Variants in ZFYVE28 observed in about 807,000 individuals in gnomAD.
The protein encoded by ZFYVE28 is lateral signaling target protein 2 homolog.
In ZFYVE28, 40 loss-of-function variants were observed where a neutral mutation model predicts 82.1. That is an observed-to-expected ratio of 0.49 (90% confidence interval 0.38 to 0.63). The LOEUF (loss-of-function observed/expected upper bound fraction) is 0.63. Among genes scored for constraint, ZFYVE28 ranks in the 30% least tolerant of loss-of-function variants. The pLI, the probability that ZFYVE28 is intolerant of heterozygous loss-of-function variation, is 0.00. For missense variants in ZFYVE28, 1,321 were observed against 1,242.1 expected, an observed-to-expected ratio of 1.06 and a Z score of -0.96; for synonymous variants, 612 against 546.1, an observed-to-expected ratio of 1.12 and a Z score of -1.68.
At chr4:2,298,978 G>A (rs1002371032) in intron 8 of ZFYVE28, among the ~76,000 whole-genome samples, 8 of 152,146 alleles carry the variant, frequency 5.3e-5, no homozygotes, top group South Asian at 2.1e-4. Context: ...AGCGCGCCTC[G>A]CACCACACGC....
intron 6 of ZFYVE28, among the ~76,000 whole-genome samples, chr4:2,321,451 C>T (rs905814222): frequency 2.6e-5 from 4 of 152,114 alleles, no homozygotes; most frequent in African/African-American, 7.2e-5. Flanking sequence ...GTGCTGCCTC[C>T]GGGGCCCCTG....
rs1210959138 is a variant in ZFYVE28, at chr4:2,335,179, C to T, written c.701+526G>A. Among the ~76,000 whole-genome samples the T allele has an allele frequency of 3.9e-5, 6 of 151,978 alleles. No individual in the cohort carries two copies. Among genetic ancestry groups the T allele is most frequent in the Non-Finnish European group, 5.9e-5 (4 of 67,974 alleles). ...GGCCCCGCTGGCAGGAAAGGTTCCA[C>T]ACAGGTATTCCATCAGCCAGACCAA... is the stretch of plus-strand genomic sequence containing the variant. On this transcript the variant is annotated intron_variant, in intron 6 of 12. Coordinates refer to ENST00000290974, the MANE Select transcript of ZFYVE28 (RefSeq NM_020972.3). This position sits in a 1 kb window ranked among gnomAD's most constrained non-coding sequence, Gnocchi z 5.8.
At chr4:2,358,244 C>T (rs774965271) in intron 1 of ZFYVE28, among the ~76,000 whole-genome samples, 1 of 152,262 alleles carries the variant, frequency 6.6e-6, no homozygotes, top group Admixed American at 6.5e-5. Context: ...CATGCATGTG[C>T]GTCCATGTAT....
chr4:2,395,070 G>A (rs968573864), intron 1 of ZFYVE28, among the ~76,000 whole-genome samples: 8 of 152,146 alleles, frequency 5.3e-5, no homozygotes, highest in East Asian at 3.9e-4. Flanking sequence ...ACTGAAAATC[G>A]TACCCAATAA....
At chr4:2,322,433 G>C (rs1219588530) in intron 6 of ZFYVE28, among the ~76,000 whole-genome samples, 1 of 151,694 alleles carries the variant, frequency 6.6e-6, no homozygotes, top group Non-Finnish European at 1.5e-5. Context: ...ACCCACTGGT[G>C]AGCCTGGCAG....
rs201779005 is a variant in ZFYVE28, at chr4:2,320,146, C to A, written c.803+24G>T. 1.9e-6 allele frequency: 3 copies of A among 1,589,312 alleles called. No individual in the cohort carries two copies. Among genetic ancestry groups the A allele is most frequent in the Admixed American group, 1.7e-5 (1 of 59,744 alleles). On this transcript the variant is annotated intron_variant, in intron 7 of 12. Transcript: ENST00000290974. This position sits in a 1 kb window ranked among gnomAD's most constrained non-coding sequence, Gnocchi z 5.1. ...GCCCTCCTGTCCCCCTCCCCTCCCC[C>A]ACCTCCTCTAGCTCCATCCCCACCT...
At chr4:2,329,387 C>T (rs114205841) in intron 6 of ZFYVE28, among the ~76,000 whole-genome samples, 323 of 152,162 alleles carry the variant, frequency 2.1e-3, no homozygotes, top group African/African-American at 7.6e-3. Context: ...TCACACATTT[C>T]TTATTTAAAA....
At chr4:2,288,647 C>T (rs1323576158) in intron 8 of ZFYVE28, among the ~76,000 whole-genome samples, 3 of 152,266 alleles carry the variant, frequency 2.0e-5, no homozygotes, top group African/African-American at 4.8e-5. Context: ...GGGCAGGGAA[C>T]TTAACCTCCC....
At position 2,388,666 on chromosome 4, in the gene ZFYVE28, C is replaced by T. The variant is rs144893414; in HGVS notation, c.39+29619G>A. Among the ~76,000 whole-genome samples, 1,217 of 152,270 alleles carry T rather than the reference C, an allele frequency of 8.0e-3. 27 individuals carry two copies. Among genetic ancestry groups the T allele is most frequent in the African/African-American group, 0.027 (1,118 of 41,534 alleles). On this transcript the variant is annotated intron_variant, in intron 1 of 12. Transcript: ENST00000290974. ...TTAGGAGAACGAACACGGTGGATGACGGTGGTGCTGCTCTCGATGTTCACT... is the reference window on the plus strand; with the variant it reads ...TTAGGAGAACGAACACGGTGGATGATGGTGGTGCTGCTCTCGATGTTCACT...
intron 1 of ZFYVE28, among the ~76,000 whole-genome samples, chr4:2,365,369 C>A (rs988647440): frequency 2.8e-5 from 3 of 107,324 alleles, no homozygotes. Flanking sequence ...AAGGGCGTGT[C>A]CCCCCCAACT....
At chr4:2,411,424 C>T (rs1222850114) in intron 1 of ZFYVE28, among the ~76,000 whole-genome samples, 1 of 152,214 alleles carries the variant, frequency 6.6e-6, no homozygotes, top group Non-Finnish European at 1.5e-5. Context: ...CAAAAAATAT[C>T]CATTCACTTT....
At chr4:2,404,116 C>T (rs1393915778) in intron 1 of ZFYVE28, among the ~76,000 whole-genome samples, 3 of 151,756 alleles carry the variant, frequency 2.0e-5, no homozygotes, top group South Asian at 2.1e-4. Flanking sequence ...GTCAGGAGAT[C>T]GAGACCATCC....
chr4:2,290,769 C>T (rs950791550), intron 8 of ZFYVE28, among the ~76,000 whole-genome samples: 10 of 152,136 alleles, frequency 6.6e-5, no homozygotes, highest in Non-Finnish European at 1.2e-4. Context: ...CCTTGCTTCC[C>T]CTATTAAGTC....
chr4:2,329,265 C>T (rs949818302), intron 6 of ZFYVE28: 1 of 457,750 alleles, frequency 2.2e-6, no homozygotes, highest in East Asian at 3.2e-5. Context: ...GAATGTCTTT[C>T]TCTTTAATTA....
chr4:2,326,250 T>G (rs940136813), intron 6 of ZFYVE28, among the ~76,000 whole-genome samples: 6 of 152,204 alleles, frequency 3.9e-5, no homozygotes, highest in African/African-American at 1.4e-4. Context: ...TGAGATAAGG[T>G]TCTAGCTTCA....
chr4:2,328,609 CA>C, intron 6 of ZFYVE28: 1 of 152,462 alleles, frequency 6.6e-6, no homozygotes, highest in South Asian at 2.1e-4. Flanking sequence ...AATTATTCCA[CA>C]CTGCATTCAT....
At chr4:2,346,127 G>C (rs1418161742) in intron 2 of ZFYVE28, among the ~76,000 whole-genome samples, 7 of 146,818 alleles carry the variant, frequency 4.8e-5, no homozygotes, top group Non-Finnish European at 7.4e-5. Context: ...AGGAGATCGA[G>C]ACCATCCTGG....
chr4:2,399,783 G>A (rs568567095), intron 1 of ZFYVE28, among the ~76,000 whole-genome samples: 5 of 152,352 alleles, frequency 3.3e-5, no homozygotes, highest in East Asian at 3.9e-4. Flanking sequence ...GCAGAGCTCG[G>A]AGCAGGGCCC....
chr4:2,281,334 A>T (rs148155542), intron 8 of ZFYVE28, among the ~76,000 whole-genome samples: 1 of 151,930 alleles, frequency 6.6e-6, no homozygotes, highest in Non-Finnish European at 1.5e-5. Context: ...GGCCATGTGG[A>T]TGGGTGTCTT....
Sources: allele counts gnomAD v4.1 joint callset (sites outside exome capture counted in the v4.1 genomes callset), GRCh38; gene constraint gnomAD v4.1.1; non-coding constraint Gnocchi (gnomAD v3.1); transcripts MANE v1.5; gene names NCBI Gene and HGNC (gene_info 2026-07-23, HGNC 2026-07-21).